The following BMP2K variants were observed in gnomAD, a reference collection of about 807,000 sequenced individuals.
BMP2K encodes BMP2 inducible kinase, also known as BMP-2-inducible protein kinase.
Under a neutral mutation model 116.0 loss-of-function variants are expected in BMP2K, and 74 were observed. That is an observed-to-expected ratio of 0.64 (90% confidence interval 0.53 to 0.77). The LOEUF (loss-of-function observed/expected upper bound fraction) is 0.77. Among genes scored for constraint, BMP2K ranks in the 30% least tolerant of loss-of-function variants. The pLI, the probability that BMP2K is intolerant of heterozygous loss-of-function variation, is 0.00. For missense variants in BMP2K, 1,365 were observed against 1,403.6 expected, an observed-to-expected ratio of 0.97 and a Z score of 0.44; for synonymous variants, 486 against 502.5, an observed-to-expected ratio of 0.97 and a Z score of 0.44.
At chr4:78,804,441 A>C (rs1160973741) in intron 1 of BMP2K, among the ~76,000 whole-genome samples, 1 of 152,174 alleles carries the variant, frequency 6.6e-6, no homozygotes, top group Non-Finnish European at 1.5e-5. Flanking sequence ...ATTGTTCTAC[A>C]CTTGATACCT....
chr4:78,893,676 C>T (rs1194240641), intron 15 of BMP2K, among the ~76,000 whole-genome samples: 1 of 152,198 alleles, frequency 6.6e-6, no homozygotes, highest in Non-Finnish European at 1.5e-5. Flanking sequence ...GATCCTCCCG[C>T]CTCAGCATCC....
intron 1 of BMP2K, among the ~76,000 whole-genome samples, chr4:78,810,302 T>A (rs1414562893): frequency 6.6e-6 from 1 of 152,160 alleles, no homozygotes; most frequent in Admixed American, 6.6e-5. Flanking sequence ...CTCAGTTCTT[T>A]CCTGGGCGTG....
At chr4:78,815,742 A>G (rs556178834) in intron 1 of BMP2K, among the ~76,000 whole-genome samples, 74 of 152,262 alleles carry the variant, frequency 4.9e-4, no homozygotes, top group African/African-American at 1.8e-3. Context: ...TTGAATAGGG[A>G]CTGTACAAGA....
chr4:78,863,431 G>A (rs932699592), intron 9 of BMP2K, among the ~76,000 whole-genome samples: 2 of 152,038 alleles, frequency 1.3e-5, no homozygotes, highest in Non-Finnish European at 2.9e-5. Context: ...TTAAAAGGTC[G>A]CTCTCATCTC....
At position 78,911,921 on chromosome 4, in the gene BMP2K, C is replaced by T; in HGVS notation, c.3374C>T (p.Ala1125Val). The change falls in exon 16 of 16, where the codon GCC becomes GTC. Residue 1125 changes from alanine to valine, a missense_variant. Coordinates refer to ENST00000502613, the MANE Select transcript of BMP2K (RefSeq NM_198892.2). ...ADVLKMDDFG[A>V]VPFTELVVQS... is the part of the protein sequence containing the mutation. Reference sequence around the variant, plus strand: ...GTATTGAAAATGGATGATTTTGGTGCCGTGCCCTTTACAGAACTTGTGGTG... The same window carrying T: ...GTATTGAAAATGGATGATTTTGGTGTCGTGCCCTTTACAGAACTTGTGGTG... 4 of 1,613,950 alleles carry T rather than the reference C, an allele frequency of 2.5e-6. No individual in the cohort carries two copies. The highest frequency in any genetic ancestry group is 3.4e-6 in the Non-Finnish European group (4 of 1,179,876).
chr4:78,802,848 G>A lies in BMP2K; in HGVS notation c.179-23189G>A, dbSNP rs200199725. Among the ~76,000 whole-genome samples the A allele has an allele frequency of 7.3e-4, 100 of 136,648 alleles. 1 individual carries two copies. Among genetic ancestry groups the A allele is most frequent in the Admixed American group, 1.4e-3 (20 of 14,038 alleles). The allele number at this position is 136,648 out of a possible 152,430, so 89.6% of individuals were successfully genotyped here. A position where few individuals can be genotyped will look rare whatever the true frequency, so the allele number is the denominator to read the frequency against. ...CAGCATTTATAATCTTTTTTTTTTT[G>A]TTCTCTTTTTTGTTTTTTTGAGGCA... On this transcript the variant is annotated intron_variant, in intron 1 of 15. Coordinates refer to ENST00000502613, the MANE Select transcript of BMP2K (RefSeq NM_198892.2).
chr4:78,870,324 C>G lies in BMP2K; in HGVS notation c.1232-459C>G, dbSNP rs539907344. On this transcript the variant is annotated intron_variant, in intron 10 of 15. Coordinates refer to ENST00000502613, the MANE Select transcript of BMP2K (RefSeq NM_198892.2). ...ATGTAAGTCATTAACATGTGCAAGA[C>G]AGACTGAAATGTAATAAACTGAGTG... 2.6e-5 allele frequency among the ~76,000 whole-genome samples: 4 copies of G among 152,250 alleles called. No homozygotes were observed. The East Asian group carries it at 7.7e-4, about 29-fold the overall frequency.
At chr4:78,847,150 A>T in intron 5 of BMP2K, 38 bp from the exon 6 acceptor site, 1 of 1,110,690 alleles carries the variant, frequency 9.0e-7, no homozygotes, top group Non-Finnish European at 1.2e-6. Flanking sequence ...TTATATATAT[A>T]TATATATCTC....
chr4:78,885,320 A>C (rs1020625299), intron 14 of BMP2K, among the ~76,000 whole-genome samples: 4 of 152,210 alleles, frequency 2.6e-5, no homozygotes, highest in African/African-American at 7.2e-5. Flanking sequence ...TATTTAGAAT[A>C]TAATAGACTC....
At chr4:78,818,129 A>G (rs902185883) in intron 1 of BMP2K, among the ~76,000 whole-genome samples, 3 of 152,124 alleles carry the variant, frequency 2.0e-5, no homozygotes, top group African/African-American at 7.2e-5. Flanking sequence ...AAAAAGATAT[A>G]TATATTTTTT....
chr4:78,795,391 A>C (rs879472672), intron 1 of BMP2K, among the ~76,000 whole-genome samples: 63 of 152,202 alleles, frequency 4.1e-4, no homozygotes, highest in Non-Finnish European at 8.2e-4. Context: ...GGAACATTGA[A>C]GGCGATCTGA....
intron 3 of BMP2K, among the ~76,000 whole-genome samples, chr4:78,839,548 A>G (rs910839761): frequency 6.6e-6 from 1 of 152,224 alleles, no homozygotes; most frequent in Non-Finnish European, 1.5e-5. Context: ...AATCTACTAC[A>G]GATAAAATTG....
intron 1 of BMP2K, among the ~76,000 whole-genome samples, chr4:78,814,181 C>T (rs1484360921): frequency 6.6e-6 from 1 of 152,114 alleles, no homozygotes; most frequent in African/African-American, 2.4e-5. Flanking sequence ...TTCCCTCTGT[C>T]CTCAAGAATT....
Position 78,776,467 on chromosome 4 carries a change from G to A in BMP2K, c.-77G>A. The A allele has an allele frequency of 9.1e-7, 1 of 1,100,316 alleles. No homozygotes were observed. The allele number at this position is 1,100,316 out of a possible 1,614,324, so 68.2% of individuals were successfully genotyped here. On this transcript the variant is annotated 5_prime_UTR_variant, in exon 1 of 16. Coordinates refer to ENST00000502613, the MANE Select transcript of BMP2K (RefSeq NM_198892.2). ...GACGGGCCAGGGGCGGCGACCCCTC[G>A]CGGACGCCCGGCTGCGCGCCGGGCC...
intron 1 of BMP2K, among the ~76,000 whole-genome samples, chr4:78,789,329 A>T (rs1381662008): frequency 6.6e-6 from 1 of 151,834 alleles, no homozygotes; most frequent in Non-Finnish European, 1.5e-5. Context: ...TCTTTCTTTT[A>T]TTTTTATTTT....
Position 78,861,374 on chromosome 4 carries a change from TTTTTTTC to T in BMP2K, c.988-12_988-6del. The T allele has an allele frequency of 6.3e-7, 1 of 1,578,352 alleles. No homozygotes were observed. The highest frequency in any genetic ancestry group is 8.6e-7 in the Non-Finnish European group (1 of 1,162,584). ...AAAAAACTAAAATGAGACGTTTTAT[TTTTTTTC>T]TTCCAAGAATTCTTCTATTCCTTCA... On this transcript the variant is annotated splice_polypyrimidine_tract_variant and splice_region_variant and intron_variant, in intron 8 of 15. Coordinates refer to ENST00000502613, the MANE Select transcript of BMP2K (RefSeq NM_198892.2).
intron 1 of BMP2K, among the ~76,000 whole-genome samples, chr4:78,802,751 C>G (rs755042632): frequency 2.0e-5 from 3 of 152,106 alleles, no homozygotes; most frequent in African/African-American, 4.8e-5. Context: ...ATACACAACT[C>G]TGTTTTTGAG....
chr4:78,826,600 C>T (rs1373065723), intron 2 of BMP2K, among the ~76,000 whole-genome samples: 8 of 152,054 alleles, frequency 5.3e-5, no homozygotes, highest in African/African-American at 1.9e-4. Flanking sequence ...TGGTAATTTG[C>T]AGTATAGTTG....
rs1553919159 is a variant in BMP2K at position 78,870,985 on chromosome 4, G to GCAGCAGCAACAGCAA, written c.1442_1443insACAGCAACAGCAGCA (p.Gln482_Gln486dup). On this transcript the variant is annotated inframe_insertion, in exon 11 of 16. Transcript: ENST00000502613. ...AACAGCAGCAGCAGCAACAGCAACAGCAGCAGCAGCAGCAGCAGCAGCAGC... is the reference window on the plus strand; with the variant it reads ...AACAGCAGCAGCAGCAACAGCAACAGCAGCAGCAACAGCAACAGCAGCAGCAGCAGCAGCAGCAGC... 1.4e-6 allele frequency: 2 copies of GCAGCAGCAACAGCAA among 1,427,688 alleles called. No individual in the cohort carries two copies. Among genetic ancestry groups the GCAGCAGCAACAGCAA allele is most frequent in the South Asian group, 2.3e-5 (2 of 86,708 alleles). 88.4% of individuals were successfully genotyped at this position (1,427,688 alleles called of 1,614,324 possible).
Sources: gnomAD v4.1 joint callset for allele counts (sites outside exome capture counted in the v4.1 genomes callset) on GRCh38, gnomAD v4.1.1 for gene constraint, MANE v1.5 for transcripts, NCBI Gene and HGNC (gene_info 2026-07-23, HGNC 2026-07-21) for gene names.